SYNE2: variants seen among roughly 807,000 people sequenced by gnomAD.
The protein encoded by SYNE2 is nesprin-2.
SYNE2 carries 431 observed loss-of-function variants against 856.3 expected under a neutral mutation model. The ratio of observed to expected loss-of-function variants is 0.50; its 90% confidence interval spans 0.47 to 0.55. SYNE2 has a LOEUF of 0.55. SYNE2 is among the 20% of genes least tolerant of loss of function. The probability of loss-of-function intolerance (pLI) is 0.00; values close to 1 mark genes in which losing one functional copy is unlikely to be tolerated. For synonymous variants in SYNE2, 2,923 were observed against 2,872.3 expected (o/e 1.02, Z -0.56); for missense variants, 8,129 against 8,023.2 (o/e 1.01, Z -0.50).
intron 44 of SYNE2, among the ~76,000 whole-genome samples, chr14:64,030,403 G>A (rs1021359272): frequency 6.6e-6 from 1 of 152,194 alleles, no homozygotes; most frequent in East Asian, 1.9e-4. Flanking sequence ...AATGCTTCTT[G>A]TGTAGCCCAT....
chr14:63,863,143 C>T (rs573585966), intron 1 of SYNE2, among the ~76,000 whole-genome samples: 2 of 152,222 alleles, frequency 1.3e-5, no homozygotes, highest in East Asian at 3.9e-4. Flanking sequence ...TCTCAGTACT[C>T]ATTTCAGCAG....
chr14:64,100,531 A>AAAAATAT (rs1491537041), intron 63 of SYNE2, among the ~76,000 whole-genome samples: 6 of 39,474 alleles, frequency 1.5e-4, no homozygotes, highest in Non-Finnish European at 2.3e-4. Flanking sequence ...AAAAAAAAAA[A>AAAAATAT]ATATATATAT....
chr14:63,999,917 A>G (rs1345260990), intron 27 of SYNE2, among the ~76,000 whole-genome samples: 1 of 152,208 alleles, frequency 6.6e-6, no homozygotes, highest in Admixed American at 6.5e-5. Context: ...TGGATTTAGC[A>G]TGTTTTCATC....
chr14:64,225,642 ACTT>A lies in SYNE2; in HGVS notation c.*122_*124del, dbSNP rs1006667601. The A allele has an allele frequency of 4.9e-5, 57 of 1,172,396 alleles. 1 individual carries two copies. Among genetic ancestry groups the A allele is most frequent in the African/African-American group, 3.7e-4 (24 of 65,676 alleles). 72.6% of individuals were successfully genotyped at this position (1,172,396 alleles called of 1,614,324 possible). On this transcript the variant is annotated 3_prime_UTR_variant, in exon 116 of 116. Coordinates refer to ENST00000555002, the MANE Select transcript of SYNE2 (RefSeq NM_182914.3). ...TGGCAAGGTCCCGGGACCTGTGCAG[ACTT>A]CTTCTGGGCTTACCCAGCACGGGCT...
intron 52 of SYNE2, 60 bp from the exon 53 acceptor site, chr14:64,073,908 T>C (rs971247949): frequency 1.7e-5 from 26 of 1,559,482 alleles, no homozygotes; most frequent in Non-Finnish European, 2.3e-5. Flanking sequence ...TAAAACTGTT[T>C]CATTTTATTC....
At chr14:64,092,501 G>A (rs926479191) in intron 60 of SYNE2, among the ~76,000 whole-genome samples, 3 of 152,218 alleles carry the variant, frequency 2.0e-5, no homozygotes, top group African/African-American at 4.8e-5. Flanking sequence ...GGGAACAGAT[G>A]TGCACAGTGA....
intron 76 of SYNE2, among the ~76,000 whole-genome samples, chr14:64,131,719 C>T (rs2098023640): frequency 6.6e-6 from 1 of 152,092 alleles, no homozygotes. Flanking sequence ...GTAGCTGGGA[C>T]TATAGATGTG....
chr14:64,033,982 T>A (rs1199653174), intron 45 of SYNE2, among the ~76,000 whole-genome samples: 12 of 152,228 alleles, frequency 7.9e-5, no homozygotes. Flanking sequence ...CTGGCTGTAT[T>A]TTCTTGTATG....
chr14:63,991,216 C>T (rs989927793), intron 21 of SYNE2, 101 bp downstream of exon 21: 2 of 1,191,922 alleles, frequency 1.7e-6, no homozygotes, highest in African/African-American at 3.0e-5. Context: ...TACTGAGTTA[C>T]TGTAACTTAA....
chr14:64,223,417 C>G, intron 113 of SYNE2, 37 bp downstream of exon 113: 1 of 1,607,432 alleles, frequency 6.2e-7, no homozygotes, highest in Non-Finnish European at 8.5e-7. Flanking sequence ...TAAAGATTGC[C>G]GTATTACATG....
chr14:63,800,475 G>C (rs1006776608), intron 1 of SYNE2, among the ~76,000 whole-genome samples: 2 of 152,078 alleles, frequency 1.3e-5, no homozygotes, highest in African/African-American at 2.4e-5. Flanking sequence ...TTTTAGTAGA[G>C]ACTAGGTTTC....
intron 77 of SYNE2, among the ~76,000 whole-genome samples, chr14:64,133,205 C>CAA (rs34419403): frequency 1.6e-5 from 2 of 127,774 alleles, no homozygotes; most frequent in Admixed American, 8.1e-5. Context: ...GACTCTGTCT[C>CAA]AAAAAAAAAA....
chr14:63,898,107 C>T (rs557543104), intron 1 of SYNE2, among the ~76,000 whole-genome samples: 1 of 152,150 alleles, frequency 6.6e-6, no homozygotes, highest in Non-Finnish European at 1.5e-5. Flanking sequence ...GTATGCAAAC[C>T]GTAATCATTC....
intron 2 of SYNE2, among the ~76,000 whole-genome samples, chr14:63,932,994 C>T (rs2095784686): frequency 6.6e-6 from 1 of 152,030 alleles, no homozygotes; most frequent in Non-Finnish European, 1.5e-5. Flanking sequence ...ATCATTTTTT[C>T]AGTAAGGAAT....
chr14:63,931,240 A>G (rs764157202), intron 2 of SYNE2, among the ~76,000 whole-genome samples: 3 of 152,120 alleles, frequency 2.0e-5, no homozygotes, highest in Admixed American at 6.6e-5. Context: ...AGAAGAAACA[A>G]ATTGCCTAGG....
chr14:64,123,143 AGT>A (rs1024575655), intron 70 of SYNE2, among the ~76,000 whole-genome samples: 3 of 151,772 alleles, frequency 2.0e-5, no homozygotes, highest in Non-Finnish European at 2.9e-5. Context: ...CGCTACAATG[AGT>A]GTCATTCATT....
At chr14:63,925,344 C>G (rs1356238188) in intron 2 of SYNE2, among the ~76,000 whole-genome samples, 1 of 152,046 alleles carries the variant, frequency 6.6e-6, no homozygotes, top group African/African-American at 2.4e-5. Context: ...CTAAACTAAA[C>G]TAAAAAGTTT....
intron 1 of SYNE2, among the ~76,000 whole-genome samples, chr14:63,780,161 T>G (rs1887255759): frequency 6.6e-6 from 1 of 152,096 alleles, no homozygotes; most frequent in Non-Finnish European, 1.5e-5. Flanking sequence ...GGAATAAATC[T>G]CACAAAAGCT....
intron 45 of SYNE2, among the ~76,000 whole-genome samples, chr14:64,041,896 A>G (rs2097151554): frequency 6.6e-6 from 1 of 152,072 alleles, no homozygotes; most frequent in African/African-American, 2.4e-5. Context: ...AAATATCACT[A>G]TGCTGGTAGG....
Sources: allele counts gnomAD v4.1 joint callset (sites outside exome capture counted in the v4.1 genomes callset), GRCh38; gene constraint gnomAD v4.1.1; transcripts MANE v1.5; gene names NCBI Gene and HGNC (gene_info 2026-07-23, HGNC 2026-07-21).